Variants in CUX1 observed in about 807,000 individuals in gnomAD.
CUX1 encodes cut like homeobox 1.
A neutral mutation model predicts 158.8 loss-of-function variants in CUX1; 31 were observed. That is an observed-to-expected ratio of 0.20 (90% CI 0.15 to 0.26). The LOEUF (loss-of-function observed/expected upper bound fraction) is 0.26, where lower values mean the gene tolerates loss of function less well. CUX1 is among the 10% of genes least tolerant of loss of function. The pLI is 1.00. For missense variants in CUX1, 1,589 were observed against 2,014.6 expected, an observed-to-expected ratio of 0.79 and a Z score of 4.04; for synonymous variants, 879 against 862.1, an observed-to-expected ratio of 1.02 and a Z score of -0.34.
chr7:101,947,291 G>T (rs973326199), intron 2 of CUX1, among the ~76,000 whole-genome samples: 2 of 152,166 alleles, frequency 1.3e-5, no homozygotes, highest in African/African-American at 4.8e-5. Context: ...CCACTTGGGA[G>T]GCTGAGGCAG....
intron 2 of CUX1, among the ~76,000 whole-genome samples, chr7:101,995,357 A>T (rs1412633120): frequency 1.3e-5 from 2 of 152,222 alleles, no homozygotes; most frequent in Admixed American, 6.5e-5. Flanking sequence ...CGCCAGGTGC[A>T]TCCTGTTCTT....
chr7:101,987,657 A>G (rs1814504474), intron 2 of CUX1, among the ~76,000 whole-genome samples: 1 of 152,154 alleles, frequency 6.6e-6, no homozygotes, highest in African/African-American at 2.4e-5. Flanking sequence ...GGGCGGGGAC[A>G]TTGCCTTTCC....
In CUX1 at chr7:102,228,657, G is replaced by T. The variant is rs151159770; in HGVS notation, c.3433+988G>T. ...CTACAAAAAATGTAAAAATTAGCCG[G>T]GTATGGTGGTGCACGCCTGTAGTTC... On this transcript the variant is annotated intron_variant, in intron 21 of 23. Coordinates refer to ENST00000292535, the MANE Select transcript of CUX1 (RefSeq NM_181552.4). Among the ~76,000 whole-genome samples the T allele has an allele frequency of 1.5e-3, 226 of 152,190 alleles. 1 individual carries two copies. The highest frequency in any genetic ancestry group is 0.01 in the Middle Eastern group (3 of 294).
chr7:102,177,657 C>T (rs1196274518), intron 10 of CUX1, among the ~76,000 whole-genome samples: 1 of 152,084 alleles, frequency 6.6e-6, no homozygotes, highest in African/African-American at 2.4e-5. Flanking sequence ...AGCCCCTCCC[C>T]ACCTCCTCCT....
chr7:102,251,837 G>A lies in CUX1; in HGVS notation c.*2795G>A. The A allele has an allele frequency of 2.0e-6, 2 of 985,406 alleles. No individual in the cohort carries two copies. The highest frequency in any genetic ancestry group is 1.7e-5 in the African/African-American group (1 of 57,362). The allele number at this position is 985,406 out of a possible 1,614,324, so 61.0% of individuals were successfully genotyped here. On this transcript the variant is annotated 3_prime_UTR_variant, in exon 24 of 24. Transcript: ENST00000292535. ...GGCTAGGGTTTAGTTTTAAAGGCAT[G>A]ACTGTTATTTACAAAGGTGTTAAAT...
At chr7:102,267,515 C>T (rs1188904779) in intron 14 of CUX1, among the ~76,000 whole-genome samples, 2 of 152,058 alleles carry the variant, frequency 1.3e-5, no homozygotes, top group Admixed American at 6.6e-5. Context: ...GCCTGGGTGA[C>T]GAGTGAAACT....
intron 2 of CUX1, among the ~76,000 whole-genome samples, chr7:101,940,162 C>T (rs1324588474): frequency 6.6e-6 from 1 of 151,296 alleles, no homozygotes; most frequent in Non-Finnish European, 1.5e-5. Flanking sequence ...ATTGCTTGAG[C>T]CCGGGAGGTT....
At chr7:101,928,661 G>T (rs1467157596) in intron 2 of CUX1, among the ~76,000 whole-genome samples, 1 of 136,762 alleles carries the variant, frequency 7.3e-6, no homozygotes, top group Non-Finnish European at 1.6e-5. Context: ...ACCACACCCG[G>T]CCTCACAAAT....
At chr7:102,194,814 G>T (rs1173771564) in intron 13 of CUX1, among the ~76,000 whole-genome samples, 1 of 152,028 alleles carries the variant, frequency 6.6e-6, no homozygotes, top group Non-Finnish European at 1.5e-5. Flanking sequence ...CTTGAGGTCA[G>T]GCATTTGAGA....
At chr7:102,168,456 T>C (rs1791295233) in intron 9 of CUX1, among the ~76,000 whole-genome samples, 1 of 151,986 alleles carries the variant, frequency 6.6e-6, no homozygotes, top group South Asian at 2.1e-4. Context: ...GATACCAGCC[T>C]GGCCAACATG....
intron 2 of CUX1, among the ~76,000 whole-genome samples, chr7:101,998,220 G>A (rs1424280374): frequency 6.6e-6 from 1 of 152,218 alleles, no homozygotes; most frequent in Non-Finnish European, 1.5e-5. Flanking sequence ...TGGATTGCAG[G>A]GCTGTGCCCG....
intron 2 of CUX1, among the ~76,000 whole-genome samples, chr7:101,970,454 G>A (rs546205881): frequency 3.1e-4 from 47 of 152,236 alleles, no homozygotes; most frequent in South Asian, 8.3e-4. Context: ...AAACCCCACC[G>A]AGGTTTGCAC....
At chr7:102,017,600 CT>C (rs758838752) in intron 2 of CUX1, among the ~76,000 whole-genome samples, 1 of 152,166 alleles carries the variant, frequency 6.6e-6, no homozygotes, top group Non-Finnish European at 1.5e-5. Context: ...TAACCCAGCG[CT>C]TCGGTAGGCC....
In CUX1 at chr7:102,281,700, C is replaced by T. The variant is rs1792079837; in HGVS notation, c.1822-140C>T. 4.6e-6 allele frequency: 3 copies of T among 655,112 alleles called. No homozygotes were observed. The African/African-American group carries it at 5.4e-5, about 12-fold the overall frequency. 40.6% of individuals were successfully genotyped at this position (655,112 alleles called of 1,614,324 possible). On this transcript the variant is annotated intron_variant, in intron 20 of 22. Transcript: ENST00000292538. ...ATTCCAGCAGCCCATGTCCCTGGCC[C>T]ATAATGATGGAATAGGGGCCCCAGC...
chr7:101,882,549 C>T (rs1449608362), intron 1 of CUX1, among the ~76,000 whole-genome samples: 3 of 152,152 alleles, frequency 2.0e-5, no homozygotes, highest in South Asian at 2.1e-4. Context: ...GAAATAAAGC[C>T]GGGGTGCTGT....
chr7:101,827,589 G>T (rs1375244557), intron 1 of CUX1, among the ~76,000 whole-genome samples: 2 of 152,034 alleles, frequency 1.3e-5, no homozygotes, highest in East Asian at 3.9e-4. Flanking sequence ...GAGATTATAG[G>T]CATGAGCCAC....
chr7:102,118,232 C>T (rs1007757085), intron 8 of CUX1, among the ~76,000 whole-genome samples: 2 of 152,186 alleles, frequency 1.3e-5, no homozygotes, highest in African/African-American at 2.4e-5. Context: ...TTTATTTTCC[C>T]TCTTCTGAAG....
Position 102,257,163 on chromosome 7 carries a change from C to T in CUX1, c.*8121C>T. ...CTTACCCCAGGCCAAGGCAAGGGCC[C>T]TGCTCACCCCAAGGTAGGCTGGGAA... On this transcript the variant is annotated 3_prime_UTR_variant, in exon 24 of 24. Transcript: ENST00000292535. 1.0e-6 allele frequency: 1 copy of T among 985,416 alleles called. No homozygotes were observed. The highest frequency in any genetic ancestry group is 1.2e-6 in the Non-Finnish European group (1 of 829,936). The allele number at this position is 985,416 out of a possible 1,614,324, so 61.0% of individuals were successfully genotyped here.
At chr7:101,832,408 C>A (rs1425929507) in intron 1 of CUX1, among the ~76,000 whole-genome samples, 1 of 152,206 alleles carries the variant, frequency 6.6e-6, no homozygotes, top group Non-Finnish European at 1.5e-5. Flanking sequence ...CATGGCACAT[C>A]CAGCGAGCCC....
Sources: allele counts gnomAD v4.1 joint callset (sites outside exome capture counted in the v4.1 genomes callset), GRCh38; gene constraint gnomAD v4.1.1; transcripts MANE v1.5; gene names NCBI Gene and HGNC (gene_info 2026-07-23, HGNC 2026-07-21).